Variants in FBXO21 observed in about 807,000 individuals in gnomAD.
FBXO21 encodes F-box only protein 21.
A neutral mutation model predicts 76.6 loss-of-function variants in FBXO21; 32 were observed. The ratio of observed to expected loss-of-function variants is 0.42; its 90% CI spans 0.32 to 0.56. FBXO21 has a LOEUF of 0.56. FBXO21 is among the 20% of genes least tolerant of loss of function. FBXO21 has a pLI of 0.16. For synonymous variants in FBXO21, 328 were observed against 311.5 expected, an observed-to-expected ratio of 1.05 and a Z score of -0.56; for missense variants, 586 against 797.3, an observed-to-expected ratio of 0.73 and a Z score of 3.19.
At chr12:117,166,080 C>T (rs1304771707) in intron 8 of FBXO21, among the ~76,000 whole-genome samples, 1 of 151,698 alleles carries the variant, frequency 6.6e-6, no homozygotes, top group Admixed American at 6.6e-5. Flanking sequence ...ATCCCAGCTA[C>T]TCAGGAAGCT....
intron 11 of FBXO21, among the ~76,000 whole-genome samples, chr12:117,148,426 C>G (rs1304044434): frequency 6.6e-6 from 1 of 152,192 alleles, no homozygotes; most frequent in Non-Finnish European, 1.5e-5. Context: ...TTCAGCAAAG[C>G]AGGAGGCGGC....
intron 9 of FBXO21, among the ~76,000 whole-genome samples, chr12:117,160,268 T>A (rs1955962436): frequency 6.6e-6 from 1 of 152,176 alleles, no homozygotes; most frequent in Non-Finnish European, 1.5e-5. Context: ...GCTTTGTGAA[T>A]CTGGCCCACA....
intron 3 of FBXO21, 32 bp downstream of exon 3, chr12:117,186,445 G>A: frequency 7.0e-7 from 1 of 1,437,976 alleles, no homozygotes; most frequent in Non-Finnish European, 9.8e-7. Context: ...ACTTATTAAA[G>A]CAAACAAATC....
intron 2 of FBXO21, among the ~76,000 whole-genome samples, chr12:117,186,884 T>C (rs1409231631): frequency 1.3e-5 from 2 of 152,190 alleles, no homozygotes; most frequent in Non-Finnish European, 2.9e-5. Flanking sequence ...CCCAGAACTT[T>C]GGGAGGCCAA....
chr12:117,146,221 A>G lies in FBXO21; in HGVS notation c.1732T>C (p.Tyr578His). 1 of 1,613,856 alleles carries G rather than the reference A, an allele frequency of 6.2e-7. No individual in the cohort carries two copies. Among genetic ancestry groups the G allele is most frequent in the East Asian group, 2.2e-5 (1 of 44,880 alleles). The part of the protein sequence containing the change: ...QEISHPDVGR[Y>H]FSEFTGTHYI... ...TGAGTGCCAGTAAACTCTGAGAAATAGCGTCCCACGTCAGGGTGTGAGATT... is the reference window on the plus strand; with the variant it reads ...TGAGTGCCAGTAAACTCTGAGAAATGGCGTCCCACGTCAGGGTGTGAGATT... The change falls in exon 12 of 12, where the codon TAT becomes CAT. Residue 578 changes from tyrosine to histidine, a missense_variant. Tyr to His is a moderately conservative substitution (Grantham distance 83, BLOSUM62 2). This residue lies in a region of FBXO21 where 164 missense variants were observed against 236.7 expected (regional missense o/e 0.69). Transcript: ENST00000622495.
At position 117,143,142 on chromosome 12, in the gene FBXO21, T is replaced by C. The variant is rs527922072; in HGVS notation, c.*2945A>G. 6.6e-6 allele frequency: 1 copy of C among 152,274 alleles called. No homozygotes were observed. Among genetic ancestry groups the C allele is most frequent in the East Asian group, 1.9e-4 (1 of 5,180 alleles). The allele number at this position is 152,274 out of a possible 1,614,324, so 9.4% of individuals were successfully genotyped here. A position where few individuals can be genotyped will look rare whatever the true frequency, so the allele number is the denominator to read the frequency against. On this transcript the variant is annotated 3_prime_UTR_variant, in exon 12 of 12. Coordinates refer to ENST00000622495, the MANE Select transcript of FBXO21 (RefSeq NM_015002.3). Reference sequence around the variant, plus strand: ...TTCTAAGGTAAACTCATTTTGGACATAACTGATGTCTCACTGAGACAGCTT... The same window carrying C: ...TTCTAAGGTAAACTCATTTTGGACACAACTGATGTCTCACTGAGACAGCTT...
intron 11 of FBXO21, among the ~76,000 whole-genome samples, chr12:117,152,462 CAA>C (rs5801220): frequency 1.1e-4 from 11 of 103,710 alleles, no homozygotes; most frequent in African/African-American, 6.2e-5. Context: ...CACCCTGTCT[CAA>C]AAAAAAAAAA....
At chr12:117,152,584 G>GA (rs751568059) in intron 11 of FBXO21, among the ~76,000 whole-genome samples, 4 of 150,892 alleles carry the variant, frequency 2.7e-5, no homozygotes, top group Middle Eastern at 3.2e-3. Flanking sequence ...AGACTAAAGA[G>GA]AAAAAAAACA....
intron 4 of FBXO21, among the ~76,000 whole-genome samples, chr12:117,176,166 A>C (rs1027953917): frequency 1.3e-5 from 2 of 152,232 alleles, no homozygotes; most frequent in Non-Finnish European, 2.9e-5. Context: ...CTTAGGGACT[A>C]GTTACAGAAA....
chr12:117,186,826 C>T (rs7134622), intron 2 of FBXO21, among the ~76,000 whole-genome samples: 1 of 152,156 alleles, frequency 6.6e-6, no homozygotes, highest in African/African-American at 2.4e-5. Context: ...ACAGTTCTAA[C>T]GTAAAGAAAA....
intron 11 of FBXO21, chr12:117,155,537 C>T: frequency 1.8e-6 from 1 of 565,296 alleles, no homozygotes; most frequent in Non-Finnish European, 3.2e-6. Context: ...AGACAGTGGC[C>T]AATCAGATGT....
chr12:117,147,711 G>A (rs746306460), intron 11 of FBXO21, among the ~76,000 whole-genome samples: 1 of 152,102 alleles, frequency 6.6e-6, no homozygotes, highest in African/African-American at 2.4e-5. Flanking sequence ...GTTAAAGGAC[G>A]GTGCTTTGTG....
At chr12:117,190,004 C>T (rs1312949262) in intron 1 of FBXO21, among the ~76,000 whole-genome samples, 2 of 152,062 alleles carry the variant, frequency 1.3e-5, no homozygotes, top group Non-Finnish European at 2.9e-5. Context: ...GGCTGCGAGG[C>T]GCTCCTAGAT....
intron 2 of FBXO21, among the ~76,000 whole-genome samples, chr12:117,187,420 CAAAAAAAA>C (rs921514232): frequency 1.7e-5 from 1 of 59,694 alleles, no homozygotes; most frequent in East Asian, 5.2e-4. Flanking sequence ...AACTCTGTCT[CAAAAAAAA>C]AAAAAAAAAA....
At chr12:117,190,196 G>C in intron 1 of FBXO21, 22 bp downstream of exon 1, 1 of 1,268,420 alleles carries the variant, frequency 7.9e-7, no homozygotes, top group Non-Finnish European at 9.9e-7. Flanking sequence ...CGCGCAGCCG[G>C]GGCGCGGGGC....
In FBXO21 at chr12:117,147,211, C is replaced by T. The variant is rs149017528; in HGVS notation, c.1676-934G>A. 7.8e-3 allele frequency among the ~76,000 whole-genome samples: 1,147 copies of T among 147,546 alleles called. 3 individuals carry two copies. The highest frequency in any genetic ancestry group is 0.013 in the Non-Finnish European group (887 of 67,458). On this transcript the variant is annotated intron_variant, in intron 11 of 11. Transcript: ENST00000622495. The stretch of plus-strand genomic sequence containing the variant: ...GAGCTGAGATTATGCCATTGCACTC[C>T]AGCCTGGACAACAAGAGCAAAAGTC...
Position 117,183,187 on chromosome 12 carries a change from A to C in FBXO21, c.470+3290T>G, listed in dbSNP as rs149287119. 1.4e-3 allele frequency among the ~76,000 whole-genome samples: 214 copies of C among 152,260 alleles called. 2 individuals are homozygous for C. Among genetic ancestry groups the C allele is most frequent in the Non-Finnish European group, 2.7e-3 (185 of 68,018 alleles). ...AAACACTATAATATATGTCTTTACT[A>C]GCTATGCATTTTCATCTTTTTTGGG... On this transcript the variant is annotated intron_variant, in intron 3 of 11. Coordinates refer to ENST00000622495, the MANE Select transcript of FBXO21 (RefSeq NM_015002.3).
At chr12:117,180,679 G>A (rs1474921940) in intron 3 of FBXO21, among the ~76,000 whole-genome samples, 12 of 152,068 alleles carry the variant, frequency 7.9e-5, no homozygotes, top group Non-Finnish European at 1.2e-4. Context: ...AGGCTGGAGT[G>A]CAGTGGTGCG....
chr12:117,165,117 G>A (rs1956037440), intron 9 of FBXO21, among the ~76,000 whole-genome samples: 1 of 152,166 alleles, frequency 6.6e-6, no homozygotes, highest in African/African-American at 2.4e-5. Context: ...CTTATTCATG[G>A]CCAATGTAGT....
Sources: gnomAD v4.1 joint callset for allele counts (sites outside exome capture counted in the v4.1 genomes callset) on GRCh38, gnomAD v4.1.1 for gene constraint, gnomAD v4.1.1 regional missense constraint, MANE v1.5 for transcripts, NCBI Gene and HGNC (gene_info 2026-07-23, HGNC 2026-07-21) for gene names.